Variants in MGAT5B observed in about 807,000 individuals in gnomAD.
The protein encoded by MGAT5B is alpha-1,6-mannosylglycoprotein 6-beta-N-acetylglucosaminyltransferase B.
MGAT5B carries 54 observed loss-of-function variants against 95.1 expected under a neutral mutation model. The observed-to-expected ratio is 0.57, with a 90% confidence interval of 0.46 to 0.71. The LOEUF is 0.71. Among genes scored for constraint, MGAT5B ranks in the 30% least tolerant of loss-of-function variants. The pLI is 0.00. For synonymous variants in MGAT5B, 464 were observed against 451.0 expected (o/e 1.03, Z -0.36); for missense variants, 935 against 1,088.6 (o/e 0.86, Z 1.99).
intron 3 of MGAT5B, among the ~76,000 whole-genome samples, chr17:76,902,157 G>A (rs1287403813): frequency 6.6e-6 from 1 of 152,182 alleles, no homozygotes. Flanking sequence ...TACAGTTGTG[G>A]GCACACGTGC....
rs1228480755 is a variant in MGAT5B at position 76,884,683 on chromosome 17, A to G, written c.329+2385A>G. Among the ~76,000 whole-genome samples, 5 of 150,706 alleles carry G rather than the reference A, an allele frequency of 3.3e-5. No homozygotes were observed. In the South Asian group the frequency reaches 6.3e-4, roughly 19 times the overall value. ...CAGTGGCATGATCTCGGCTCACTGC[A>G]AGCTCTGCCTCCCGGGTTCAAGCGA... is the stretch of plus-strand genomic sequence containing the variant. On this transcript the variant is annotated intron_variant, in intron 3 of 17. Coordinates refer to ENST00000569840, the MANE Select transcript of MGAT5B (RefSeq NM_001199172.2).
intron 8 of MGAT5B, among the ~76,000 whole-genome samples, chr17:76,920,911 G>A (rs1335757971): frequency 6.6e-6 from 1 of 152,188 alleles, no homozygotes; most frequent in Admixed American, 6.5e-5. Flanking sequence ...TTTGTGTATA[G>A]CTTCATAAAT....
intron 3 of MGAT5B, among the ~76,000 whole-genome samples, chr17:76,883,874 G>C (rs1967523339): frequency 6.6e-6 from 1 of 152,218 alleles, no homozygotes; most frequent in Non-Finnish European, 1.5e-5. Context: ...TGGGAGGGTT[G>C]GAGGGATGCC....
intron 2 of MGAT5B, among the ~76,000 whole-genome samples, chr17:76,878,415 G>C (rs369377431): frequency 6.6e-6 from 1 of 152,164 alleles, no homozygotes; most frequent in Non-Finnish European, 1.5e-5. Context: ...ATCTGGTTCC[G>C]CAGGCATGGT....
At chr17:76,913,849 T>C (rs112723027) in intron 8 of MGAT5B, 6,678 of 452,062 alleles carry the variant, frequency 0.015, 220 homozygotes, top group African/African-American at 0.087. Context: ...GGCGGCTCAC[T>C]CCTGTAATCC....
In MGAT5B at chr17:76,897,659, C is replaced by CTCTT. The variant is rs1567800041; in HGVS notation, c.330-4896_330-4895insTCTT. Among the ~76,000 whole-genome samples the CTCTT allele has an allele frequency of 8.8e-4, 96 of 108,926 alleles. 6 individuals are homozygous for CTCTT. Among genetic ancestry groups the CTCTT allele is most frequent in the African/African-American group, 2.1e-3 (67 of 31,932 alleles). 71.5% of individuals were successfully genotyped at this position (108,926 alleles called of 152,430 possible). A position where few individuals can be genotyped will look rare whatever the true frequency, so the allele number is the denominator to read the frequency against. On this transcript the variant is annotated intron_variant, in intron 3 of 17. Transcript: ENST00000569840. ...CAAAGACCCTATTCCCAAGTAAGGC[C>CTCTT]ACTTTCTTTCTTTCTTTCTTTCTTT...
intron 10 of MGAT5B, among the ~76,000 whole-genome samples, chr17:76,932,095 CT>C (rs1339407052): frequency 9.5e-5 from 12 of 126,788 alleles, no homozygotes; most frequent in East Asian, 2.4e-4. Context: ...TCCCCCCCCC[CT>C]TCTTCGTCTT....
chr17:76,909,416 T>G (rs530394755), intron 8 of MGAT5B, among the ~76,000 whole-genome samples: 1 of 152,378 alleles, frequency 6.6e-6, no homozygotes, highest in South Asian at 2.1e-4. Flanking sequence ...TGTTTGCATG[T>G]GAATCAGCTT....
Position 76,940,295 on chromosome 17 carries a change from TG to T in MGAT5B, c.1585-106del. ...CAAAAATAATCGCTCCAGGCCCAGC[TG>T]CCTCCTGTGAATATCCCGAAGCCTC... On this transcript the variant is annotated intron_variant, in intron 13 of 17. Coordinates refer to ENST00000569840, the MANE Select transcript of MGAT5B (RefSeq NM_001199172.2). This position sits in a 1 kb window ranked among gnomAD's most constrained non-coding sequence, Gnocchi z 4.3. 1 of 1,353,304 alleles carries T rather than the reference TG, an allele frequency of 7.4e-7. No individual in the cohort carries two copies. Among genetic ancestry groups the T allele is most frequent in the East Asian group, 2.5e-5 (1 of 40,238 alleles). 83.8% of individuals were successfully genotyped at this position (1,353,304 alleles called of 1,614,324 possible).
Position 76,938,723 on chromosome 17 carries a change from C to T in MGAT5B, c.1584+580C>T, listed in dbSNP as rs1389314225. Among the ~76,000 whole-genome samples, 1 of 152,088 alleles carries T rather than the reference C, an allele frequency of 6.6e-6. No homozygotes were observed. Among genetic ancestry groups the T allele is most frequent in the East Asian group, 1.9e-4 (1 of 5,186 alleles). ...AGACAGGGTCTTGCTCTGTCACCCA[C>T]GCTGGAGTGCAGTGGTGCAATCAGG... On this transcript the variant is annotated intron_variant, in intron 13 of 17. Coordinates refer to ENST00000569840, the MANE Select transcript of MGAT5B (RefSeq NM_001199172.2). This position sits in a 1 kb window ranked among gnomAD's most constrained non-coding sequence, Gnocchi z 4.3.
At chr17:76,941,915 G>A (rs1019867717) in intron 15 of MGAT5B, among the ~76,000 whole-genome samples, 1 of 152,348 alleles carries the variant, frequency 6.6e-6, no homozygotes, top group Admixed American at 6.5e-5. Flanking sequence ...AAAGAGGCTA[G>A]GGTAGGTATC....
chr17:76,937,787 C>T (rs1414480390), intron 12 of MGAT5B, among the ~76,000 whole-genome samples: 8 of 152,216 alleles, frequency 5.3e-5, no homozygotes, highest in Non-Finnish European at 1.0e-4. Flanking sequence ...CCTGAAGCCT[C>T]TGCTCTAGTC....
intron 10 of MGAT5B, 22 bp downstream of exon 10, chr17:76,926,752 G>C: frequency 6.2e-7 from 1 of 1,610,956 alleles, no homozygotes; most frequent in Non-Finnish European, 8.5e-7. Context: ...ACAGGGCAGG[G>C]GTGGGGTCGG....
chr17:76,871,460 T>C (rs1021180333), intron 1 of MGAT5B, among the ~76,000 whole-genome samples: 2 of 152,020 alleles, frequency 1.3e-5, no homozygotes, highest in Non-Finnish European at 2.9e-5. Context: ...CCTCTCTGCT[T>C]TGGGGTTCTC....
intron 8 of MGAT5B, among the ~76,000 whole-genome samples, chr17:76,910,071 G>A (rs1417092693): frequency 1.3e-5 from 2 of 152,160 alleles, no homozygotes; most frequent in African/African-American, 4.8e-5. Flanking sequence ...GAGCTGCAAG[G>A]AACCCGGCTG....
At chr17:76,941,363 T>G (rs1410280825) in intron 15 of MGAT5B, among the ~76,000 whole-genome samples, 2 of 152,182 alleles carry the variant, frequency 1.3e-5, no homozygotes, top group East Asian at 3.9e-4. Flanking sequence ...GGTGCACATG[T>G]GTGGGCTGGG....
At chr17:76,913,752 TG>T (rs1360490614) in intron 8 of MGAT5B, 3 of 492,182 alleles carry the variant, frequency 6.1e-6, no homozygotes, top group Non-Finnish European at 8.1e-6. Flanking sequence ...GAAGGAGATG[TG>T]GCCAGCAACA....
chr17:76,938,265 C>G lies in MGAT5B; in HGVS notation c.1584+122C>G. 1 of 1,299,606 alleles carries G rather than the reference C, an allele frequency of 7.7e-7. No individual in the cohort carries two copies. Among genetic ancestry groups the G allele is most frequent in the Non-Finnish European group, 1.1e-6 (1 of 942,754 alleles). The allele number at this position is 1,299,606 out of a possible 1,614,324, so 80.5% of individuals were successfully genotyped here. A position where few individuals can be genotyped will look rare whatever the true frequency, so the allele number is the denominator to read the frequency against. On this transcript the variant is annotated intron_variant, in intron 13 of 17. Coordinates refer to ENST00000569840, the MANE Select transcript of MGAT5B (RefSeq NM_001199172.2). This position sits in a 1 kb window ranked among gnomAD's most constrained non-coding sequence, Gnocchi z 4.3. ...TATGGACATACCCCAGCATGCTCTG[C>G]TGCCCTGAGCCCCACATCTGGCCAG...
In MGAT5B at chr17:76,932,110, C is replaced by G. The variant is rs372529000; in HGVS notation, c.1292-535C>G. Among the ~76,000 whole-genome samples the G allele has an allele frequency of 5.7e-5, 6 of 106,012 alleles. No individual in the cohort carries two copies. In the East Asian group the frequency reaches 9.7e-4, roughly 17 times the overall value. The allele number at this position is 106,012 out of a possible 152,430, so 69.5% of individuals were successfully genotyped here. On this transcript the variant is annotated intron_variant, in intron 10 of 17. Transcript: ENST00000569840. ...TCCCCCCCCCCTTCTTCGTCTTTGTCTTCGTCTTCTTTGTCTTCTCCTTCT... is the reference window on the plus strand; with the variant it reads ...TCCCCCCCCCCTTCTTCGTCTTTGTGTTCGTCTTCTTTGTCTTCTCCTTCT...
Sources: allele counts gnomAD v4.1 joint callset (sites outside exome capture counted in the v4.1 genomes callset), GRCh38; gene constraint gnomAD v4.1.1; non-coding constraint Gnocchi (gnomAD v3.1); transcripts MANE v1.5; gene names NCBI Gene and HGNC (gene_info 2026-07-23, HGNC 2026-07-21).